BBS7: variants seen among roughly 807,000 people sequenced by gnomAD.
BBS7 encodes Bardet-Biedl syndrome 7, also known as BBSome complex member BBS7.
In BBS7, 50 loss-of-function variants were observed where a neutral mutation model predicts 90.3. The ratio of observed to expected loss-of-function variants is 0.55; its 90% CI spans 0.44 to 0.70. The LOEUF (loss-of-function observed/expected upper bound fraction) is 0.70. Among genes scored for constraint, BBS7 ranks in the 30% least tolerant of loss-of-function variants. The pLI, the probability that BBS7 is intolerant of heterozygous loss-of-function variation, is 0.00. For missense variants in BBS7, 729 were observed against 838.9 expected (o/e 0.87, Z 1.62); for synonymous variants, 235 against 287.4 (o/e 0.82, Z 1.85).
intron 14 of BBS7, 136 bp from the exon 15 acceptor site, chr4:121,833,531 TA>T: frequency 1.2e-6 from 1 of 820,368 alleles, no homozygotes; most frequent in Non-Finnish European, 1.9e-6. Flanking sequence ...ATTAATCTTA[TA>T]CGTCAAATAA....
rs758828904 is a variant in BBS7, at chr4:121,855,565, AAGG to A, written c.529-7_529-5del. The A allele has an allele frequency of 2.0e-5, 32 of 1,612,486 alleles. No homozygotes were observed. In the Admixed American group the frequency reaches 3.2e-4, roughly 16 times the overall value. On this transcript the variant is annotated splice_polypyrimidine_tract_variant and splice_region_variant and intron_variant, in intron 5 of 18. Transcript: ENST00000264499. ...CTGCATACATCACATCAGATCCCTG[AAGG>A]AGAAGTATTTAAAAACTGAAACAGA...
At chr4:121,856,703 C>G (rs1206085301) in intron 5 of BBS7, among the ~76,000 whole-genome samples, 1 of 151,332 alleles carries the variant, frequency 6.6e-6, no homozygotes, top group Non-Finnish European at 1.5e-5. Context: ...GAGCAAGACT[C>G]CATCTCAAAA....
rs775291495 is a variant in BBS7, at chr4:121,845,507, T to C, written c.1227A>G (p.Ile409Met). The C allele has an allele frequency of 1.2e-6, 2 of 1,610,396 alleles. No homozygotes were observed. The highest frequency in any genetic ancestry group is 1.7e-6 in the Non-Finnish European group (2 of 1,178,118). Residue 409 changes from isoleucine to methionine, a missense_variant, in exon 11 of 19, where the codon ATA becomes ATG. Ile to Met is a conservative substitution (Grantham distance 10). Transcript: ENST00000264499. ...AGAAATTAGACATTTTGCTTACCTG[T>C]ATTAAGACATTATCTATTGCAGTCT... Reference protein sequence around the residue: ...EVQTAIDNVLIQSDVPIDLLD... With the variant: ...EVQTAIDNVLMQSDVPIDLLD...
At chr4:121,863,607 G>C (rs577548702) in intron 2 of BBS7, among the ~76,000 whole-genome samples, 1 of 152,162 alleles carries the variant, frequency 6.6e-6, no homozygotes, top group African/African-American at 2.4e-5. Flanking sequence ...TATACTGCCA[G>C]ACAACAGTTA....
chr4:121,826,079 T>G, intron 18 of BBS7, 86 bp from the exon 19 acceptor site: 1 of 1,126,854 alleles, frequency 8.9e-7, no homozygotes, highest in Non-Finnish European at 1.3e-6. Context: ...CTTGATAATC[T>G]ATTTTTAAGC....
chr4:121,847,546 C>T (rs1368392095), intron 9 of BBS7, 40 bp from the exon 10 acceptor site: 1 of 1,377,096 alleles, frequency 7.3e-7, no homozygotes, highest in East Asian at 2.3e-5. Flanking sequence ...CTTAGTACTG[C>T]TAGTGTTAAA....
chr4:121,843,068 G>A (rs1406809697), intron 12 of BBS7, among the ~76,000 whole-genome samples: 1 of 152,098 alleles, frequency 6.6e-6, no homozygotes, highest in Non-Finnish European at 1.5e-5. Context: ...AAACTATATA[G>A]CATTTTCAGG....
chr4:121,870,219 A>G, intron 1 of BBS7, 59 bp downstream of exon 1: 1 of 1,607,776 alleles, frequency 6.2e-7, no homozygotes, highest in Non-Finnish European at 8.5e-7. Flanking sequence ...GGAAGGAAGG[A>G]ATCCTCTCCG....
Position 121,855,556 on chromosome 4 carries a change from A to T in BBS7, c.534T>A (p.Ser178=). ...GAACTTCAACTGCATACATCACATC[A>T]GATCCCTGAAGGAGAAGTATTTAAA... ...QDRVLRVLQG[S]DVMYAVEVPG... is the part of the protein sequence containing the mutation. The change falls in exon 6 of 19, where the codon TCT becomes TCA. Residue 178 remains serine (S), a synonymous_variant. Transcript: ENST00000264499. 6.2e-7 allele frequency: 1 copy of T among 1,613,148 alleles called. No individual in the cohort carries two copies. The highest frequency in any genetic ancestry group is 1.1e-5 in the South Asian group (1 of 91,066).
At chr4:121,835,354 A>C in intron 13 of BBS7, 71 bp from the exon 14 acceptor site, 3 of 1,562,072 alleles carry the variant, frequency 1.9e-6, no homozygotes, top group Non-Finnish European at 2.6e-6. Context: ...AATGTTCAAC[A>C]TAAGTTATCA....
chr4:121,833,304 G>T lies in BBS7; in HGVS notation c.1603C>A (p.Pro535Thr), dbSNP rs143700362. Residue 535 changes from proline (P) to threonine (T), a missense_variant, in exon 15 of 19, where the codon CCT becomes ACT. By Grantham distance (38) the Pro-to-Thr change is conservative. Coordinates refer to ENST00000264499, the MANE Select transcript of BBS7 (RefSeq NM_176824.3). ...VFCLPEVPEK[P>T]PAGECVTFYF... ...AATGTCACACATTCTCCTGCTGGAG[G>T]TTTTTCTGGAACTTCAGGCAGACAA... is the stretch of plus-strand genomic sequence containing the variant. 1.5e-4 allele frequency: 249 copies of T among 1,613,960 alleles called. No individual in the cohort carries two copies. The highest frequency in any genetic ancestry group is 2.0e-4 in the Non-Finnish European group (233 of 1,179,926).
chr4:121,836,821 T>C (rs1358967101), intron 13 of BBS7, among the ~76,000 whole-genome samples: 2 of 152,212 alleles, frequency 1.3e-5, no homozygotes, highest in Admixed American at 1.3e-4. Flanking sequence ...CTAGTGATGT[T>C]GTTCTTTAAC....
At chr4:121,843,883 T>C (rs1319213780) in intron 12 of BBS7, 44 bp downstream of exon 12, 6 of 1,288,580 alleles carry the variant, frequency 4.7e-6, no homozygotes, top group Admixed American at 3.8e-5. Context: ...AATGGCATAA[T>C]AGAAATGAAA....
At chr4:121,850,483 C>T (rs1451317867) in intron 8 of BBS7, among the ~76,000 whole-genome samples, 2 of 152,118 alleles carry the variant, frequency 1.3e-5, no homozygotes, top group Non-Finnish European at 2.9e-5. Context: ...GTGTTTTTAA[C>T]TAACACTCTA....
chr4:121,866,493 G>C (rs1262620664), intron 2 of BBS7, among the ~76,000 whole-genome samples: 1 of 152,070 alleles, frequency 6.6e-6, no homozygotes, highest in Admixed American at 6.6e-5. Flanking sequence ...TTGAACTCCT[G>C]ACCTCAAGTG....
chr4:121,863,237 T>C lies in BBS7; in HGVS notation c.145A>G (p.Met49Val), dbSNP rs1469459149. 9 of 1,613,960 alleles carry C rather than the reference T, an allele frequency of 5.6e-6. No homozygotes were observed. Among genetic ancestry groups the C allele is most frequent in the Non-Finnish European group, 7.6e-6 (9 of 1,179,908 alleles). Residue 49 changes from methionine (M) to valine (V), a missense_variant, in exon 3 of 19, where the codon ATG becomes GTG. By Grantham distance (21) the Met-to-Val change is conservative (BLOSUM62 1). Transcript: ENST00000264499. ...DHDGVVMCFG[M>V]KKGEAAAVFK... is the part of the protein sequence containing the mutation. ...CTTACTGCTGCTTCTCCTTTCTTCA[T>C]GCCAAAGCACATAACTACCCCATCA...
intron 10 of BBS7, 72 bp from the exon 11 acceptor site, chr4:121,845,768 A>T: frequency 7.3e-7 from 1 of 1,364,254 alleles, no homozygotes; most frequent in East Asian, 2.3e-5. Flanking sequence ...GTTTACAAAA[A>T]TTTGAGACAT....
rs944507541 is a variant in BBS7, at chr4:121,854,895, G to A, written c.602-75C>T. 8 of 1,377,118 alleles carry A rather than the reference G, an allele frequency of 5.8e-6. No homozygotes were observed. In the African/African-American group the frequency reaches 1.2e-4, roughly 20 times the overall value. 85.3% of individuals were successfully genotyped at this position (1,377,118 alleles called of 1,614,324 possible). A position where few individuals can be genotyped will look rare whatever the true frequency, so the allele number is the denominator to read the frequency against. On this transcript the variant is annotated intron_variant, in intron 6 of 18. Transcript: ENST00000264499. The stretch of plus-strand genomic sequence containing the variant: ...CTCTTTAAAATTAAAATGTTGTTAT[G>A]TAAAAATATCATTTTAAAAAGTACT...
In BBS7 at chr4:121,859,086, T is replaced by C. The variant is rs1209449438; in HGVS notation, c.434A>G (p.Asp145Gly). 2.5e-6 allele frequency: 4 copies of C among 1,613,790 alleles called. No individual in the cohort carries two copies. The highest frequency in any genetic ancestry group is 3.4e-6 in the Non-Finnish European group (4 of 1,179,856). The change falls in exon 5 of 19, where the codon GAT (aspartate) becomes GGT (glycine). Residue 145 changes from aspartate (D) to glycine (G), a missense_variant. Physicochemically the swap from Asp to Gly is moderately conservative, Grantham distance 94. Coordinates refer to ENST00000264499, the MANE Select transcript of BBS7 (RefSeq NM_176824.3). ...AAGGCAGATCACATCATTGATTTTA[T>C]CCCCAGAAAGGTAATAATGTTGGTC... ...CKDQHYYLSG[D>G]KINDVICLPV...
Sources: allele counts gnomAD v4.1 joint callset (sites outside exome capture counted in the v4.1 genomes callset), GRCh38; gene constraint gnomAD v4.1.1; transcripts MANE v1.5; gene names NCBI Gene and HGNC (gene_info 2026-07-23, HGNC 2026-07-21).